COL6A2: variants seen among roughly 807,000 people sequenced by gnomAD.
COL6A2 encodes collagen type VI alpha 2 chain.
Under a neutral mutation model 124.9 loss-of-function variants are expected in COL6A2, and 90 were observed. The observed-to-expected ratio is 0.72, with a 90% CI of 0.61 to 0.86. COL6A2 has a LOEUF of 0.86. Ranked by LOEUF, COL6A2 falls within the 40% of genes least tolerant of loss-of-function variation. The pLI is 0.00. For synonymous variants in COL6A2, 793 were observed against 618.2 expected, an observed-to-expected ratio of 1.28 and a Z score of -4.19; for missense variants, 1,607 against 1,502.5, an observed-to-expected ratio of 1.07 and a Z score of -1.15.
intron 1 of COL6A2, among the ~76,000 whole-genome samples, chr21:46,100,093 T>G (rs1030960214): frequency 6.6e-6 from 1 of 151,846 alleles, no homozygotes; most frequent in Non-Finnish European, 1.5e-5. Flanking sequence ...TTTTTTGGTT[T>G]TTTGTTTGTT....
chr21:46,114,489 A>C (rs1053429062), intron 5 of COL6A2, among the ~76,000 whole-genome samples: 1 of 152,120 alleles, frequency 6.6e-6, no homozygotes, highest in Non-Finnish European at 1.5e-5. Context: ...TTGTCTCAAC[A>C]CTTCTGTCCC....
Position 46,125,785 on chromosome 21 carries a change from G to A in COL6A2, c.1970G>A (p.Gly657Glu), listed in dbSNP as rs760941563. The A allele has an allele frequency of 6.2e-7, 1 of 1,611,366 alleles. No homozygotes were observed. Among genetic ancestry groups the A allele is most frequent in the Non-Finnish European group, 8.5e-7 (1 of 1,178,708 alleles). The change falls in exon 26 of 28, where the codon GGG becomes GAG. Residue 657 changes from glycine to glutamate, a missense_variant and splice_region_variant. Around this residue, in one of 3 missense-constraint regions of COL6A2, gnomAD observed 1,223 missense variants for 1,052.2 expected, o/e 1.16. Coordinates refer to ENST00000300527, the MANE Select transcript of COL6A2 (RefSeq NM_001849.4). Reference sequence around the variant, plus strand: ...ACGACCTCACGCGTGCGGCTTGCAGGGACGCGTGTGGGCGTGGTGCAGTAC... The same window carrying A: ...ACGACCTCACGCGTGCGGCTTGCAGAGACGCGTGTGGGCGTGGTGCAGTAC... ...AIAKDPKSET[G>E]TRVGVVQYSH...
chr21:46,116,344 C>T lies in COL6A2; in HGVS notation c.901-33C>T. On this transcript the variant is annotated intron_variant, in intron 7 of 27. Transcript: ENST00000300527. The surrounding 1 kb of genome is among the most constrained non-coding windows in gnomAD (Gnocchi z 4.6). ...CCCTGCCTGTGTCTCTGCAGAGCTC[C>T]TCACTAATGCCCCTCTCTCCTCCTG... 1.9e-6 allele frequency: 3 copies of T among 1,612,260 alleles called. No homozygotes were observed. The highest frequency in any genetic ancestry group is 2.5e-6 in the Non-Finnish European group (3 of 1,179,602).
chr21:46,129,467 C>T lies in COL6A2; in HGVS notation c.2462-2487C>T, dbSNP rs147456161. 147 of 1,596,110 alleles carry T rather than the reference C, an allele frequency of 9.2e-5. No individual in the cohort carries two copies. The highest frequency in any genetic ancestry group is 1.8e-4 in the South Asian group (16 of 90,014). On this transcript the variant is annotated intron_variant, in intron 27 of 27. Transcript: ENST00000300527. Reference sequence around the variant, plus strand: ...TGCACAGGGACATCGTGGGGGACCCCGAGACCGCGCTGGCCCTCTGCTAAA... The same window carrying T: ...TGCACAGGGACATCGTGGGGGACCCTGAGACCGCGCTGGCCCTCTGCTAAA...
intron 21 of COL6A2, 44 bp from the exon 22 acceptor site, chr21:46,124,607 G>C (rs373135950): frequency 4.4e-6 from 7 of 1,597,994 alleles, no homozygotes; most frequent in Non-Finnish European, 6.0e-6. Flanking sequence ...TGCAGGGACT[G>C]TCCCTGGGGC....
At chr21:46,129,613 A>C in intron 27 of COL6A2, 6 of 1,432,834 alleles carry the variant, frequency 4.2e-6, no homozygotes, top group Non-Finnish European at 5.5e-6. Context: ...GCGGGGCTAC[A>C]GTCCTTCCAG....
chr21:46,121,736 G>A, intron 18 of COL6A2, 118 bp downstream of exon 18: 1 of 981,624 alleles, frequency 1.0e-6, no homozygotes. Flanking sequence ...GGACGGGCCT[G>A]TGCCTCCTGT....
intron 21 of COL6A2, among the ~76,000 whole-genome samples, 176 bp downstream of exon 21, chr21:46,123,113 C>A (rs2078592797): frequency 6.6e-6 from 1 of 150,752 alleles, no homozygotes; most frequent in Non-Finnish European, 1.5e-5. Context: ...TCCCTCAACC[C>A]AGCCTCCCTT....
In COL6A2 at chr21:46,107,520, C is replaced by G. The variant is rs572393204; in HGVS notation, c.-27-3930C>G. On this transcript the variant is annotated intron_variant, in intron 1 of 27. Transcript: ENST00000300527. ...CTGTAAGGAATCTCTGTTAACATAG[C>G]TAGCTCTTTTTCTTCCAGGCCCTCC... Among the ~76,000 whole-genome samples, 5 of 152,294 alleles carry G rather than the reference C, an allele frequency of 3.3e-5. No individual in the cohort carries two copies. In the South Asian group the frequency reaches 1.0e-3, roughly 32 times the overall value.
In COL6A2 at chr21:46,125,670, G is replaced by C. The variant is rs982971614; in HGVS notation, c.1969+53G>C. ...TTGCGGGGGGCCGGGCGGGGCGTGG[G>C]AGGCGATGAGATGGGAGAAGTCCAG... On this transcript the variant is annotated intron_variant, in intron 25 of 27. Coordinates refer to ENST00000300527, the MANE Select transcript of COL6A2 (RefSeq NM_001849.4). 1.9e-6 allele frequency: 3 copies of C among 1,591,856 alleles called. No homozygotes were observed. The African/African-American group carries it at 4.0e-5, about 21-fold the overall frequency.
chr21:46,116,122 G>C lies in COL6A2; in HGVS notation c.900+69G>C. On this transcript the variant is annotated intron_variant, in intron 7 of 27. Coordinates refer to ENST00000300527, the MANE Select transcript of COL6A2 (RefSeq NM_001849.4). This position sits in a 1 kb window ranked among gnomAD's most constrained non-coding sequence, Gnocchi z 4.6. The stretch of plus-strand genomic sequence containing the variant: ...AGCACTGCCAGGCAGGCTCCCCCCA[G>C]CCCAGCCTCGGCCTCAGCCTCTACG... 1.3e-6 allele frequency: 2 copies of C among 1,495,134 alleles called. No homozygotes were observed. Among genetic ancestry groups the C allele is most frequent in the African/African-American group, 1.4e-5 (1 of 72,020 alleles). 92.6% of individuals were successfully genotyped at this position (1,495,134 alleles called of 1,614,324 possible). A position where few individuals can be genotyped will look rare whatever the true frequency, so the allele number is the denominator to read the frequency against.
At chr21:46,111,886 G>A in intron 2 of COL6A2, 93 bp from the exon 3 acceptor site, 1 of 1,367,624 alleles carries the variant, frequency 7.3e-7, no homozygotes, top group Non-Finnish European at 1.0e-6. Context: ...GGGGCAGTGA[G>A]GTCAAACCCA....
chr21:46,113,973 C>A, intron 4 of COL6A2, 35 bp from the exon 5 acceptor site: 1 of 1,587,140 alleles, frequency 6.3e-7, no homozygotes, highest in Non-Finnish European at 8.7e-7. Flanking sequence ...AATGTCCCAC[C>A]CATGCAACCT....
At chr21:46,128,925 C>G in intron 27 of COL6A2, 2 of 1,612,970 alleles carry the variant, frequency 1.2e-6, no homozygotes, top group South Asian at 1.1e-5. Flanking sequence ...CTGTTTTGTG[C>G]TGAAAGGTTT....
At chr21:46,124,842 C>T in intron 22 of COL6A2, 43 bp from the exon 23 acceptor site, 3 of 1,611,804 alleles carry the variant, frequency 1.9e-6, no homozygotes, top group South Asian at 2.2e-5. Flanking sequence ...CTCAGCCACC[C>T]AGCCTTGGCC....
intron 27 of COL6A2, chr21:46,128,949 G>A (rs1016958501): frequency 6.2e-7 from 1 of 1,611,164 alleles, no homozygotes; most frequent in African/African-American, 1.3e-5. Context: ...CGGGGTCCGT[G>A]GTGTCCCCCA....
intron 5 of COL6A2, among the ~76,000 whole-genome samples, chr21:46,115,351 T>C (rs1348483146): frequency 6.6e-6 from 1 of 152,246 alleles, no homozygotes; most frequent in African/African-American, 2.4e-5. Flanking sequence ...TCTGCTCCTC[T>C]TTGCACTTAA....
At chr21:46,129,587 T>C in intron 27 of COL6A2, 2 of 1,444,366 alleles carry the variant, frequency 1.4e-6, no homozygotes, top group Non-Finnish European at 1.8e-6. Context: ...AGGCCAGAGA[T>C]CTGGAATCGG....
chr21:46,119,706 G>A (rs1013447096), intron 14 of COL6A2, 82 bp from the exon 15 acceptor site: 33 of 1,293,934 alleles, frequency 2.6e-5, no homozygotes, highest in Admixed American at 1.2e-4. Context: ...AAGGAGCATC[G>A]GCCCCGGCAC....
Sources: allele counts gnomAD v4.1 joint callset (sites outside exome capture counted in the v4.1 genomes callset), GRCh38; gene constraint gnomAD v4.1.1; regional missense constraint gnomAD v4.1.1; non-coding constraint Gnocchi (gnomAD v3.1); transcripts MANE v1.5; gene names NCBI Gene and HGNC (gene_info 2026-07-23, HGNC 2026-07-21).